The following ADCY1 variants were observed in gnomAD, a reference collection of about 807,000 sequenced individuals.
The protein encoded by ADCY1 is adenylate cyclase 1, also known as adenylate cyclase type 1.
A neutral mutation model predicts 105.4 loss-of-function variants in ADCY1; 28 were observed. The ratio of observed to expected loss-of-function variants is 0.27; its 90% CI spans 0.20 to 0.36. The LOEUF (loss-of-function observed/expected upper bound fraction) is 0.36, where lower values mean the gene tolerates loss of function less well. Ranked by LOEUF, ADCY1 falls within the 10% of genes least tolerant of loss-of-function variation. ADCY1 has a pLI of 1.00. For synonymous variants in ADCY1, 655 were observed against 623.8 expected, an observed-to-expected ratio of 1.05 and a Z score of -0.75; for missense variants, 977 against 1,434.2, an observed-to-expected ratio of 0.68 and a Z score of 5.15.
At chr7:45,597,684 A>G (rs1441488507) in intron 2 of ADCY1, among the ~76,000 whole-genome samples, 2 of 152,224 alleles carry the variant, frequency 1.3e-5, no homozygotes, top group African/African-American at 4.8e-5. Flanking sequence ...GGCAGGTGCC[A>G]GTCTCAAGGG....
intron 4 of ADCY1, among the ~76,000 whole-genome samples, chr7:45,636,131 G>A (rs1339694746): frequency 6.6e-6 from 1 of 152,032 alleles, no homozygotes; most frequent in Non-Finnish European, 1.5e-5. Flanking sequence ...TATTAATAGA[G>A]CCATTTCAAC....
In ADCY1 at chr7:45,574,690, C is replaced by T. The variant is rs1212043198; in HGVS notation, c.147C>T (p.Phe49=). Residue 49 remains phenylalanine (F), a synonymous_variant, in exon 1 of 20, where the codon TTC becomes TTT. Coordinates refer to ENST00000297323, the MANE Select transcript of ADCY1 (RefSeq NM_021116.4). The surrounding 1 kb of genome is among the most constrained non-coding windows in gnomAD (Gnocchi z 7.0). ...EFACPELEAL[F]RGYTLRLEQA... is the part of the protein sequence containing the mutation. ...CTTGCCCAGAGCTGGAGGCGCTGTT[C>T]CGCGGCTACACGCTGCGGCTGGAGC... 1.4e-6 allele frequency: 2 copies of T among 1,396,090 alleles called. No homozygotes were observed. Among genetic ancestry groups the T allele is most frequent in the Middle Eastern group, 5.2e-4 (2 of 3,844 alleles). 86.5% of individuals were successfully genotyped at this position (1,396,090 alleles called of 1,614,324 possible).
intron 2 of ADCY1, among the ~76,000 whole-genome samples, chr7:45,601,130 C>G (rs117617622): frequency 6.6e-6 from 1 of 152,174 alleles, no homozygotes; most frequent in Non-Finnish European, 1.5e-5. Flanking sequence ...GTGCCTGGCT[C>G]TGGGCTCCCT....
intron 6 of ADCY1, 109 bp from the exon 7 acceptor site, chr7:45,659,933 C>T (rs749951119): frequency 2.8e-5 from 39 of 1,399,298 alleles, no homozygotes; most frequent in Non-Finnish European, 3.3e-5. Context: ...TGGAGCCTGC[C>T]CTGGTGTGGG....
At chr7:45,679,982 G>A (rs993447556) in intron 11 of ADCY1, among the ~76,000 whole-genome samples, 189 bp downstream of exon 11, 5 of 152,052 alleles carry the variant, frequency 3.3e-5, no homozygotes, top group Admixed American at 2.6e-4. Flanking sequence ...GTCCAGGTAT[G>A]AGGGTGGCCT....
chr7:45,596,145 A>C (rs993662892), intron 2 of ADCY1, among the ~76,000 whole-genome samples: 1 of 152,258 alleles, frequency 6.6e-6, no homozygotes, highest in Non-Finnish European at 1.5e-5. Context: ...CATGTGTGTC[A>C]GCATGAAACG....
rs553730351 is a variant in ADCY1 at position 45,617,751 on chromosome 7, A to G, written c.909-4881A>G. Among the ~76,000 whole-genome samples the G allele has an allele frequency of 5.9e-5, 9 of 152,370 alleles. No individual in the cohort carries two copies. In the East Asian group the frequency reaches 1.7e-3, roughly 29 times the overall value. ...TATTGACAAGGACACATAAAAATGG[A>G]AAGACATTTCACATTCATGGATTGG... is the stretch of plus-strand genomic sequence containing the variant. On this transcript the variant is annotated intron_variant, in intron 3 of 19. Transcript: ENST00000297323.
chr7:45,587,236 C>T (rs149805061), intron 1 of ADCY1, among the ~76,000 whole-genome samples: 1 of 152,104 alleles, frequency 6.6e-6, no homozygotes, highest in East Asian at 1.9e-4. Flanking sequence ...AGAGCATGCT[C>T]TGCCCAGAGC....
rs1299151846 is a variant in ADCY1 at position 45,717,391 on chromosome 7, ACAACTTC to A, written c.*3398_*3404del. On this transcript the variant is annotated 3_prime_UTR_variant, in exon 20 of 20. Transcript: ENST00000297323. ...AATGTCCCTTGGGGTTTGGTGAAAA[ACAACTTC>A]CTTTTTATTTGTGGGAAAACTGTAT... 6.6e-6 allele frequency: 1 copy of A among 152,582 alleles called. No individual in the cohort carries two copies. The highest frequency in any genetic ancestry group is 2.4e-5 in the African/African-American group (1 of 41,426). 9.5% of individuals were successfully genotyped at this position (152,582 alleles called of 1,614,324 possible).
intron 5 of ADCY1, among the ~76,000 whole-genome samples, chr7:45,656,131 C>CA (rs200011010): frequency 0.041 from 5,912 of 144,214 alleles, 152 homozygotes; most frequent in Non-Finnish European, 0.059. Flanking sequence ...ATTAAAAATA[C>CA]AAAAAAAAAA....
intron 14 of ADCY1, among the ~76,000 whole-genome samples, chr7:45,696,005 T>C (rs1328608716): frequency 6.6e-6 from 1 of 152,202 alleles, no homozygotes; most frequent in East Asian, 1.9e-4. Context: ...CTCCAGACTT[T>C]CTGATGAGGA....
chr7:45,711,607 GTATATATATATATATA>G (rs71030888), intron 19 of ADCY1, among the ~76,000 whole-genome samples: 2,691 of 70,790 alleles, frequency 0.038, 95 homozygotes, highest in African/African-American at 0.1. Context: ...ACTTCGTGCT[GTATATATATATATATA>G]TATATATATA....
At chr7:45,662,591 C>T (rs1419865010) in intron 8 of ADCY1, among the ~76,000 whole-genome samples, 3 of 152,158 alleles carry the variant, frequency 2.0e-5, no homozygotes, top group Admixed American at 2.0e-4. Context: ...ACCTGTCATC[C>T]TTGCCCCCAG....
chr7:45,683,147 G>A (rs918525902), intron 11 of ADCY1, among the ~76,000 whole-genome samples: 6 of 152,096 alleles, frequency 3.9e-5, no homozygotes, highest in East Asian at 1.9e-4. Flanking sequence ...TGAATTCTCC[G>A]CTGCTTAGGT....
chr7:45,662,104 A>C lies in ADCY1; in HGVS notation c.1495A>C (p.Met499Leu). The C allele has an allele frequency of 6.2e-7, 1 of 1,614,142 alleles. No homozygotes were observed. ...ILSDIKPAKRMKFKTVCYLLV... is the reference protein window; with the variant it reads ...ILSDIKPAKRLKFKTVCYLLV... ...CTCAGATATAAAACCGGCCAAAAGG[A>C]TGAAGTTCAAGACTGTCTGCTACCT... is the stretch of plus-strand genomic sequence containing the variant. The change falls in exon 8 of 20, where the codon ATG becomes CTG. Residue 499 changes from methionine to leucine, a missense_variant. Met to Leu is a conservative substitution (Grantham distance 15). Coordinates refer to ENST00000297323, the MANE Select transcript of ADCY1 (RefSeq NM_021116.4).
At chr7:45,669,216 G>T (rs1285140899) in intron 8 of ADCY1, among the ~76,000 whole-genome samples, 1 of 152,146 alleles carries the variant, frequency 6.6e-6, no homozygotes, top group South Asian at 2.1e-4. Flanking sequence ...TTTTAATTGT[G>T]ATGTTAGGGT....
intron 3 of ADCY1, among the ~76,000 whole-genome samples, chr7:45,614,476 A>G (rs888877640): frequency 6.6e-6 from 1 of 152,180 alleles, no homozygotes; most frequent in African/African-American, 2.4e-5. Context: ...AGAGAGGAAA[A>G]CACAAATAAA....
At chr7:45,583,395 C>T (rs964757125) in intron 1 of ADCY1, among the ~76,000 whole-genome samples, 1 of 152,202 alleles carries the variant, frequency 6.6e-6, no homozygotes, top group African/African-American at 2.4e-5. Flanking sequence ...GCCTCTGAGC[C>T]CTGCAGAGGA....
intron 1 of ADCY1, among the ~76,000 whole-genome samples, chr7:45,588,706 T>C (rs2115755244): frequency 6.6e-6 from 1 of 152,246 alleles, no homozygotes; most frequent in Non-Finnish European, 1.5e-5. Flanking sequence ...TGGTGCTCAG[T>C]CTAGCAGACT....
Sources: allele counts gnomAD v4.1 joint callset (sites outside exome capture counted in the v4.1 genomes callset), GRCh38; gene constraint gnomAD v4.1.1; non-coding constraint Gnocchi (gnomAD v3.1); transcripts MANE v1.5; gene names NCBI Gene and HGNC (gene_info 2026-07-23, HGNC 2026-07-21).